ANK3: variants seen among roughly 807,000 people sequenced by gnomAD.
The protein encoded by ANK3 is ankyrin-3.
Under a neutral mutation model 370.9 loss-of-function variants are expected in ANK3, and 57 were observed. The ratio of observed to expected loss-of-function variants is 0.15; its 90% CI spans 0.12 to 0.19. The LOEUF (loss-of-function observed/expected upper bound fraction) is 0.19. Among genes scored for constraint, ANK3 ranks in the 10% least tolerant of loss-of-function variants. The pLI is 1.00. For synonymous variants in ANK3, 1,929 were observed against 1,946.3 expected, an observed-to-expected ratio of 0.99 and a Z score of 0.23; for missense variants, 4,439 against 5,302.1, an observed-to-expected ratio of 0.84 and a Z score of 5.06.
chr10:60,048,054 G>A (rs763869558), intron 42 of ANK3, among the ~76,000 whole-genome samples: 4 of 152,152 alleles, frequency 2.6e-5, no homozygotes, highest in Admixed American at 6.5e-5. Flanking sequence ...AAAAATCGCC[G>A]TCACCTCATT....
chr10:60,393,912 G>T (rs147050450), upstream of ANK3, among the ~76,000 whole-genome samples: 1 of 151,982 alleles, frequency 6.6e-6, no homozygotes, highest in East Asian at 1.9e-4. Flanking sequence ...TAGAATAATG[G>T]AAGATGGAAG....
chr10:60,062,111 A>C (rs1030741227), intron 40 of ANK3: 1 of 152,178 alleles, frequency 6.6e-6, no homozygotes, highest in Non-Finnish European at 1.5e-5. Context: ...TACTAAAAAT[A>C]CAAAAAATTT....
At chr10:60,330,829 C>T (rs150026129) in intron 1 of ANK3, among the ~76,000 whole-genome samples, 4,917 of 152,178 alleles carry the variant, frequency 0.032, 261 homozygotes, top group African/African-American at 0.11. Flanking sequence ...ATGTTTATTG[C>T]GGCACTGTTC....
chr10:60,221,851 A>G (rs147957582), intron 8 of ANK3, among the ~76,000 whole-genome samples: 134 of 152,310 alleles, frequency 8.8e-4, no homozygotes, highest in African/African-American at 3.1e-3. Flanking sequence ...CTGATCTCTG[A>G]TGTTTGTTTA....
At chr10:60,534,028 CT>C (rs1370956623) in intron 2 of ANK3, among the ~76,000 whole-genome samples, 2 of 152,076 alleles carry the variant, frequency 1.3e-5, no homozygotes, top group Admixed American at 6.6e-5. Context: ...ATGACACAAC[CT>C]TTTCACTACG....
chr10:60,515,227 T>C (rs1196956955), intron 2 of ANK3, among the ~76,000 whole-genome samples: 1 of 152,130 alleles, frequency 6.6e-6, no homozygotes, highest in African/African-American at 2.4e-5. Context: ...AATTATTAAA[T>C]CAACTTAGCA....
rs1349972691 is a variant in ANK3 at position 60,254,596 on chromosome 10, C to T, written c.798+7263G>A. Among the ~76,000 whole-genome samples, 4 of 152,314 alleles carry T rather than the reference C, an allele frequency of 2.6e-5. No individual in the cohort carries two copies. In the East Asian group the frequency reaches 7.7e-4, roughly 29 times the overall value. On this transcript the variant is annotated intron_variant, in intron 7 of 43. Transcript: ENST00000280772. ...CTAGGCTTAGCCCAGTTAGCCTAGGCCTGTCTTCCAAGGTCATCTACAGAG... is the reference window on the plus strand; with the variant it reads ...CTAGGCTTAGCCCAGTTAGCCTAGGTCTGTCTTCCAAGGTCATCTACAGAG...
At position 60,482,724 on chromosome 10, in the gene ANK3, C is replaced by T. The variant is rs12244933; in HGVS notation, c.96+132462G>A. On this transcript the variant is annotated intron_variant, in intron 2 of 43. Transcript: ENST00000373827. Reference sequence around the variant, plus strand: ...CTGGTCTTGAACTCCTAGGCTCAAGCGGTCCACCTGTCTTGGCCTCCCAAA... The same window carrying T: ...CTGGTCTTGAACTCCTAGGCTCAAGTGGTCCACCTGTCTTGGCCTCCCAAA... Among the ~76,000 whole-genome samples, 466 of 152,146 alleles carry T rather than the reference C, an allele frequency of 3.1e-3. 4 individuals carry two copies. The highest frequency in any genetic ancestry group is 0.011 in the African/African-American group (452 of 41,518).
chr10:60,435,092 T>C (rs2064124079), intron 2 of ANK3, among the ~76,000 whole-genome samples: 1 of 152,238 alleles, frequency 6.6e-6, no homozygotes, highest in Non-Finnish European at 1.5e-5. Context: ...GGTGTTACTT[T>C]AACAGTGATC....
intron 1 of ANK3, among the ~76,000 whole-genome samples, chr10:60,699,239 T>C (rs2079513351): frequency 6.6e-6 from 1 of 151,762 alleles, no homozygotes; most frequent in Admixed American, 6.6e-5. Flanking sequence ...AACTTATTCA[T>C]GTAACCAAAC....
intron 1 of ANK3, among the ~76,000 whole-genome samples, chr10:60,361,975 T>C (rs1352598748): frequency 6.6e-6 from 1 of 152,232 alleles, no homozygotes; most frequent in Non-Finnish European, 1.5e-5. Flanking sequence ...TGAAAAATGT[T>C]ACCATGAAGA....
intron 2 of ANK3, among the ~76,000 whole-genome samples, chr10:60,543,598 T>TA (rs1322469353): frequency 2.0e-5 from 3 of 152,004 alleles, no homozygotes; most frequent in African/African-American, 7.2e-5. Flanking sequence ...TTGACAACAG[T>TA]GATTGCCTCT....
intron 1 of ANK3, among the ~76,000 whole-genome samples, chr10:60,642,840 A>G (rs1470157639): frequency 6.6e-6 from 1 of 152,190 alleles, no homozygotes; most frequent in African/African-American, 2.4e-5. Flanking sequence ...AGAAGATTTA[A>G]TAATAATTTA....
intron 1 of ANK3, among the ~76,000 whole-genome samples, chr10:60,719,943 G>T (rs536382588): frequency 3.3e-5 from 5 of 152,302 alleles, no homozygotes; most frequent in African/African-American, 9.6e-5. Context: ...TAAGCAAATA[G>T]AAGAGAGATT....
At chr10:60,355,612 C>T (rs189351374) in intron 1 of ANK3, among the ~76,000 whole-genome samples, 5 of 152,258 alleles carry the variant, frequency 3.3e-5, no homozygotes, top group African/African-American at 9.6e-5. Context: ...GCTGAACAAC[C>T]AAAGGCTCCC....
At chr10:60,364,064 C>T (rs1488219994) in intron 1 of ANK3, among the ~76,000 whole-genome samples, 3 of 147,806 alleles carry the variant, frequency 2.0e-5, no homozygotes, top group African/African-American at 5.0e-5. Context: ...GAGGCTGAGG[C>T]GGGCAGATCA....
chr10:60,331,956 C>A (rs2051443484), intron 1 of ANK3, among the ~76,000 whole-genome samples: 1 of 148,156 alleles, frequency 6.7e-6, no homozygotes, highest in Non-Finnish European at 1.5e-5. Flanking sequence ...TAGGTAACAT[C>A]TTTTTTTCTT....
intron 43 of ANK3, among the ~76,000 whole-genome samples, 153 bp downstream of exon 43, chr10:60,042,519 A>C (rs113693383): frequency 3.9e-5 from 6 of 152,376 alleles, no homozygotes; most frequent in African/African-American, 1.4e-4. Context: ...ATATGCAAAC[A>C]TCAACAGAAC....
At chr10:60,118,935 A>G (rs1261911030) in intron 25 of ANK3, among the ~76,000 whole-genome samples, 1 of 152,150 alleles carries the variant, frequency 6.6e-6, no homozygotes, top group East Asian at 1.9e-4. Flanking sequence ...CATGGATTCC[A>G]CATCCCTCTG....
Sources: allele counts gnomAD v4.1 joint callset (sites outside exome capture counted in the v4.1 genomes callset), GRCh38; gene constraint gnomAD v4.1.1; transcripts MANE v1.5; gene names NCBI Gene and HGNC (gene_info 2026-07-23, HGNC 2026-07-21).